SLC22A25: variants seen among roughly 807,000 people sequenced by gnomAD.
The protein encoded by SLC22A25 is MGI:2442751, MGI:2385316, MGI:3042283, MGI:3645714, MGI:3605624, MGI:2442750.
A neutral mutation model predicts 45.9 loss-of-function variants in SLC22A25; 44 were observed. The ratio of observed to expected loss-of-function variants is 0.96; its 90% CI spans 0.75 to 1.23. The LOEUF is 1.23. Ranked by LOEUF, SLC22A25 falls within the 50% of genes most tolerant of loss-of-function variation. The pLI, the probability that SLC22A25 is intolerant of heterozygous loss-of-function variation, is 0.00. For synonymous variants in SLC22A25, 283 were observed against 238.6 expected, an observed-to-expected ratio of 1.19 and a Z score of -1.72; for missense variants, 800 against 666.4, an observed-to-expected ratio of 1.20 and a Z score of -2.21.
rs190973048 is a variant in SLC22A25, at chr11:63,236,157, C to T, written c.-445+1724G>A. 2.2e-3 allele frequency among the ~76,000 whole-genome samples: 342 copies of T among 152,344 alleles called. 2 individuals are homozygous for T. Among genetic ancestry groups the T allele is most frequent in the African/African-American group, 7.9e-3 (330 of 41,580 alleles). ...AAGCTGCGTGCTGGGAGAACCACTA[C>T]TCTCTTCAAAGCTGTCAGACAGGGA... On this transcript the variant is annotated intron_variant, in intron 3 of 11. Coordinates refer to ENST00000306494, the MANE Select transcript of SLC22A25 (RefSeq NM_199352.6).
chr11:63,235,289 C>T (rs192436260), intron 3 of SLC22A25, among the ~76,000 whole-genome samples: 2 of 152,196 alleles, frequency 1.3e-5, no homozygotes, highest in Non-Finnish European at 2.9e-5. Context: ...ACCAGTTAGA[C>T]GTAGATTTGT....
rs1321800835 is a variant in SLC22A25 at position 63,243,590 on chromosome 11, C to T, written c.-1152G>A. On this transcript the variant is annotated 5_prime_UTR_variant, in exon 1 of 12. Coordinates refer to ENST00000306494, the MANE Select transcript of SLC22A25 (RefSeq NM_199352.6). Reference sequence around the variant, plus strand: ...CGACAACTCCATCAAGCCTCAGGAGCTGCTGGAGTGGGAACTGGTGGTGTT... The same window carrying T: ...CGACAACTCCATCAAGCCTCAGGAGTTGCTGGAGTGGGAACTGGTGGTGTT... 2.6e-6 allele frequency: 2 copies of T among 767,428 alleles called. No homozygotes were observed. The highest frequency in any genetic ancestry group is 2.4e-6 in the Non-Finnish European group (1 of 411,880). 47.5% of individuals were successfully genotyped at this position (767,428 alleles called of 1,614,324 possible). A position where few individuals can be genotyped will look rare whatever the true frequency, so the allele number is the denominator to read the frequency against.
intron 7 of SLC22A25, among the ~76,000 whole-genome samples, chr11:63,191,782 G>C (rs1198240989): frequency 6.6e-6 from 1 of 152,128 alleles, no homozygotes; most frequent in East Asian, 1.9e-4. Flanking sequence ...AAGACAGTCA[G>C]ACAAGAATAG....
chr11:63,178,075 A>G (rs879356906), intron 9 of SLC22A25, among the ~76,000 whole-genome samples: 4 of 150,562 alleles, frequency 2.7e-5, no homozygotes, highest in Non-Finnish European at 5.9e-5. Context: ...TTTTTTTTGC[A>G]GAGTCAGGGT....
intron 9 of SLC22A25, among the ~76,000 whole-genome samples, chr11:63,169,106 G>A (rs2087786643): frequency 6.6e-6 from 1 of 152,102 alleles, no homozygotes; most frequent in African/African-American, 2.4e-5. Flanking sequence ...ATTCTTTCCA[G>A]ACAAGTAAAT....
At chr11:63,164,285 C>A (rs2087603945) in intron 11 of SLC22A25, among the ~76,000 whole-genome samples, 1 of 152,156 alleles carries the variant, frequency 6.6e-6, no homozygotes, top group Non-Finnish European at 1.5e-5. Flanking sequence ...ATGCTATTTT[C>A]CTTAACATCA....
rs2087524925 is a variant in SLC22A25, at chr11:63,160,531, A to T, written c.*3293T>A. 6.6e-6 allele frequency among the ~76,000 whole-genome samples: 1 copy of T among 152,182 alleles called. No homozygotes were observed. Among genetic ancestry groups the T allele is most frequent in the Non-Finnish European group, 1.5e-5 (1 of 68,018 alleles). On this transcript the variant is annotated 3_prime_UTR_variant, in exon 12 of 12. Transcript: ENST00000306494. ...AGTTTGCTGCAGGGGTGGGGTCCTC[A>T]TGGAGAACCTCTGCTTGGGCGGTGT... is the stretch of plus-strand genomic sequence containing the variant.
At chr11:63,197,966 A>G (rs1442156633) in intron 7 of SLC22A25, among the ~76,000 whole-genome samples, 1 of 152,234 alleles carries the variant, frequency 6.6e-6, no homozygotes, top group East Asian at 1.9e-4. Context: ...CAAAAAACAC[A>G]TGAAAAAATG....
intron 5 of SLC22A25, among the ~76,000 whole-genome samples, chr11:63,218,512 A>G (rs186331605): frequency 2.0e-5 from 3 of 152,308 alleles, no homozygotes; most frequent in Admixed American, 6.5e-5. Context: ...TAAAAGTTGA[A>G]ATTAAAAAAA....
chr11:63,166,608 T>G, intron 9 of SLC22A25: 1 of 1,026,572 alleles, frequency 9.7e-7, no homozygotes, highest in Non-Finnish European at 1.2e-6. Flanking sequence ...AAATATACAA[T>G]TAAAAATAAA....
At chr11:63,198,738 C>A (rs118122085) in intron 7 of SLC22A25, among the ~76,000 whole-genome samples, 2 of 151,692 alleles carry the variant, frequency 1.3e-5, no homozygotes, top group Non-Finnish European at 2.9e-5. Flanking sequence ...AAAAAGAAAT[C>A]AAGACAAGAA....
At chr11:63,166,296 G>C in intron 9 of SLC22A25, 38 bp from the exon 10 acceptor site, 1 of 1,607,142 alleles carries the variant, frequency 6.2e-7, no homozygotes, top group South Asian at 1.1e-5. Context: ...ATTATAATCT[G>C]TGGAACCTAA....
At chr11:63,188,672 T>C (rs550396096) in intron 7 of SLC22A25, among the ~76,000 whole-genome samples, 3 of 152,364 alleles carry the variant, frequency 2.0e-5, no homozygotes, top group Admixed American at 6.5e-5. Context: ...TGCTTTCTCT[T>C]GTGGGCATGT....
chr11:63,238,325 A>G (rs1446048844), intron 2 of SLC22A25, among the ~76,000 whole-genome samples: 1 of 152,164 alleles, frequency 6.6e-6, no homozygotes. Context: ...ATGATTCGTG[A>G]TTATCACTGC....
intron 1 of SLC22A25, 116 bp from the exon 2 acceptor site, chr11:63,239,251 C>CAT (rs1238609316): frequency 6.6e-6 from 1 of 152,208 alleles, no homozygotes. Context: ...CCCTGCATCA[C>CAT]ATTTGCAGCA....
rs1193579265 is a variant in SLC22A25, at chr11:63,160,414, G to C, written c.*3410C>G. Among the ~76,000 whole-genome samples, 1 of 152,204 alleles carries C rather than the reference G, an allele frequency of 6.6e-6. No individual in the cohort carries two copies. Among genetic ancestry groups the C allele is most frequent in the Non-Finnish European group, 1.5e-5 (1 of 68,040 alleles). The stretch of plus-strand genomic sequence containing the variant: ...CTTGACAGCTTCCATGTGGTGTTGA[G>C]CCTACAGGTGCAAAGAAGTCAAGAA... On this transcript the variant is annotated 3_prime_UTR_variant, in exon 12 of 12. Transcript: ENST00000306494.
intron 7 of SLC22A25, among the ~76,000 whole-genome samples, chr11:63,196,673 G>A (rs1168503549): frequency 2.0e-5 from 3 of 152,150 alleles, no homozygotes; most frequent in Non-Finnish European, 4.4e-5. Flanking sequence ...AAAACTGGAA[G>A]CATTCCCTTT....
intron 5 of SLC22A25, among the ~76,000 whole-genome samples, chr11:63,219,077 T>G (rs1056020913): frequency 6.6e-6 from 1 of 152,226 alleles, no homozygotes; most frequent in South Asian, 2.1e-4. Flanking sequence ...ATTACCTTCA[T>G]ATATAGTAGC....
chr11:63,175,043 G>A (rs1221191843), intron 9 of SLC22A25, among the ~76,000 whole-genome samples: 4 of 152,002 alleles, frequency 2.6e-5, no homozygotes, highest in African/African-American at 7.2e-5. Context: ...CATTTAAGTT[G>A]CTTCTACATC....
Sources: allele counts gnomAD v4.1 joint callset (sites outside exome capture counted in the v4.1 genomes callset), GRCh38; gene constraint gnomAD v4.1.1; transcripts MANE v1.5; gene names NCBI Gene and HGNC (gene_info 2026-07-23, HGNC 2026-07-21).